ERBB4: variants seen among roughly 807,000 people sequenced by gnomAD.
The protein encoded by ERBB4 is receptor tyrosine-protein kinase erbB-4.
A neutral mutation model predicts 158.0 loss-of-function variants in ERBB4; 42 were observed. That is an observed-to-expected ratio of 0.27 (90% CI 0.21 to 0.34). The LOEUF (loss-of-function observed/expected upper bound fraction) is 0.34, where lower values mean the gene tolerates loss of function less well. Ranked by LOEUF, ERBB4 falls within the 10% of genes least tolerant of loss-of-function variation. ERBB4 has a pLI of 1.00. For synonymous variants in ERBB4, 583 were observed against 558.7 expected (o/e 1.04, Z -0.61); for missense variants, 1,333 against 1,624.1 (o/e 0.82, Z 3.08).
intron 3 of ERBB4, among the ~76,000 whole-genome samples, chr2:211,823,165 A>G (rs1250744447): frequency 6.6e-6 from 1 of 152,054 alleles, no homozygotes; most frequent in African/African-American, 2.4e-5. Context: ...ATTCATAAGA[A>G]TACATAATTG....
At chr2:212,254,101 A>T (rs942629234) in intron 1 of ERBB4, among the ~76,000 whole-genome samples, 5 of 150,636 alleles carry the variant, frequency 3.3e-5, no homozygotes, top group East Asian at 1.9e-4. Flanking sequence ...TGTAAAATTT[A>T]AAAAAAAAAT....
At chr2:211,983,113 A>C (rs532461231) in intron 2 of ERBB4, among the ~76,000 whole-genome samples, 2 of 152,328 alleles carry the variant, frequency 1.3e-5, no homozygotes, top group East Asian at 3.9e-4. Flanking sequence ...ACAAGGAATG[A>C]AATGGTTGGT....
chr2:212,252,366 A>G (rs920745670), intron 1 of ERBB4, among the ~76,000 whole-genome samples: 1 of 152,118 alleles, frequency 6.6e-6, no homozygotes, highest in Admixed American at 6.6e-5. Context: ...CATGAAAGCC[A>G]TGTTAAGAAA....
At position 211,467,281 on chromosome 2, in the gene ERBB4, T is replaced by C. The variant is rs189875870; in HGVS notation, c.2488-36181A>G. Among the ~76,000 whole-genome samples the C allele has an allele frequency of 1.6e-4, 24 of 152,288 alleles. 1 individual carries two copies. Among genetic ancestry groups the C allele is most frequent in the African/African-American group, 3.8e-4 (16 of 41,584 alleles). On this transcript the variant is annotated intron_variant, in intron 20 of 27. Transcript: ENST00000342788. ...GAACTGGTTTCTTGTTCTCACTACA[T>C]TCTGACTCAACCACCCATCAGTTTC...
rs140225201 is a variant in ERBB4 at position 212,448,324 on chromosome 2, A to G, written c.82+90125T>C. ...CACATGAATTGCGTACATCAGAATG[A>G]AATGTCTATATAATTTTGAAAATCA... On this transcript the variant is annotated intron_variant, in intron 1 of 27. Transcript: ENST00000342788. Among the ~76,000 whole-genome samples the G allele has an allele frequency of 7.2e-5, 11 of 152,334 alleles. No individual in the cohort carries two copies. In the East Asian group the frequency reaches 2.1e-3, roughly 29 times the overall value.
intron 20 of ERBB4, among the ~76,000 whole-genome samples, chr2:211,468,893 ATATATG>A (rs1035059966): frequency 2.9e-4 from 43 of 147,602 alleles, no homozygotes; most frequent in Admixed American, 2.8e-4. Context: ...TTTACAAAAT[ATATATG>A]TATATTTTCT....
chr2:212,512,901 C>A (rs1007838747), intron 1 of ERBB4, among the ~76,000 whole-genome samples: 2 of 152,210 alleles, frequency 1.3e-5, no homozygotes, highest in Admixed American at 6.5e-5. Flanking sequence ...TGCCTGACAT[C>A]TTTATGCTTT....
At chr2:212,234,703 G>A (rs1303401508) in intron 1 of ERBB4, among the ~76,000 whole-genome samples, 1 of 152,134 alleles carries the variant, frequency 6.6e-6, no homozygotes, top group Non-Finnish European at 1.5e-5. Flanking sequence ...ATCTCATTGT[G>A]GTTTTGACTT....
At chr2:212,241,591 C>A (rs1027061419) in intron 1 of ERBB4, among the ~76,000 whole-genome samples, 3 of 152,160 alleles carry the variant, frequency 2.0e-5, no homozygotes, top group Non-Finnish European at 4.4e-5. Context: ...GTGCATGATT[C>A]TGTTGCTTTT....
At position 212,101,350 on chromosome 2, in the gene ERBB4, C is replaced by CATATATATATATATATACATAT. The variant is rs56091369; in HGVS notation, c.234+23401_234+23402insATATGTATATATATATATATAT. ...AATACAAACACACACACACCCTATA[C>CATATATATATATATATACATAT]ATATATATATATATATGTATATGTA... On this transcript the variant is annotated intron_variant, in intron 2 of 27. Coordinates refer to ENST00000342788, the MANE Select transcript of ERBB4 (RefSeq NM_005235.3). Among the ~76,000 whole-genome samples, 372 of 143,080 alleles carry CATATATATATATATATACATAT rather than the reference C, an allele frequency of 2.6e-3. 1 individual carries two copies. The highest frequency in any genetic ancestry group is 0.016 in the East Asian group (80 of 5,048). The allele number at this position is 143,080 out of a possible 152,430, so 93.9% of individuals were successfully genotyped here.
chr2:212,367,923 C>G (rs1221720691), intron 1 of ERBB4, among the ~76,000 whole-genome samples: 1 of 151,964 alleles, frequency 6.6e-6, no homozygotes, highest in Non-Finnish European at 1.5e-5. Flanking sequence ...ATCAAAAAAT[C>G]AAAAAACAGT....
At chr2:211,477,281 G>T (rs1364323106) in intron 20 of ERBB4, among the ~76,000 whole-genome samples, 1 of 151,908 alleles carries the variant, frequency 6.6e-6, no homozygotes, top group African/African-American at 2.4e-5. Flanking sequence ...ATAATTACAT[G>T]AGCAAATTCC....
At chr2:212,231,954 G>A (rs767277505) in intron 1 of ERBB4, among the ~76,000 whole-genome samples, 4 of 152,060 alleles carry the variant, frequency 2.6e-5, no homozygotes, top group Non-Finnish European at 4.4e-5. Context: ...TTTACTTATT[G>A]TTTTTATGAC....
rs555001835 is a variant in ERBB4, at chr2:211,603,105, C to T, written c.2301+16072G>A. Among the ~76,000 whole-genome samples the T allele has an allele frequency of 5.1e-4, 77 of 152,258 alleles. 1 individual carries two copies. Among genetic ancestry groups the T allele is most frequent in the African/African-American group, 1.7e-3 (70 of 41,544 alleles). On this transcript the variant is annotated intron_variant, in intron 19 of 27. Coordinates refer to ENST00000342788, the MANE Select transcript of ERBB4 (RefSeq NM_005235.3). ...ATTTAGCTGGGCATAGTGGCACACA[C>T]CTGTAGTCCCAGCTACTCGGGAGGC...
At chr2:212,056,653 C>T (rs953731867) in intron 2 of ERBB4, among the ~76,000 whole-genome samples, 1 of 152,086 alleles carries the variant, frequency 6.6e-6, no homozygotes, top group African/African-American at 2.4e-5. Context: ...AATTTTCAAC[C>T]CAGAATTTCA....
At position 211,920,088 on chromosome 2, in the gene ERBB4, C is replaced by G. The variant is rs185369663; in HGVS notation, c.421+27342G>C. ...ACTGTGGTAAAAAACAAAAATCTGG[C>G]AAAAACTCCCATTGTTTTAAAAATG... On this transcript the variant is annotated intron_variant, in intron 3 of 27. Transcript: ENST00000342788. Among the ~76,000 whole-genome samples the G allele has an allele frequency of 4.6e-3, 697 of 151,932 alleles. 7 individuals are homozygous for G. Among genetic ancestry groups the G allele is most frequent in the African/African-American group, 0.015 (624 of 41,502 alleles).
At chr2:212,037,673 T>C (rs2077046774) in intron 2 of ERBB4, among the ~76,000 whole-genome samples, 1 of 152,226 alleles carries the variant, frequency 6.6e-6, no homozygotes, top group Non-Finnish European at 1.5e-5. Context: ...CTTTGTATTT[T>C]GACATAAACT....
intron 3 of ERBB4, among the ~76,000 whole-genome samples, chr2:211,925,376 C>CTTTTTTTTT (rs71054150): frequency 1.2e-5 from 1 of 81,576 alleles, no homozygotes. Flanking sequence ...AACAAGACTG[C>CTTTTTTTTT]TTTTTTTTTT....
At chr2:211,834,588 C>T (rs2077298862) in intron 3 of ERBB4, among the ~76,000 whole-genome samples, 1 of 151,476 alleles carries the variant, frequency 6.6e-6, no homozygotes, top group African/African-American at 2.4e-5. Flanking sequence ...TACTTTGTTC[C>T]AAATAAACTA....
Sources: allele counts gnomAD v4.1 joint callset (sites outside exome capture counted in the v4.1 genomes callset), GRCh38; gene constraint gnomAD v4.1.1; transcripts MANE v1.5; gene names NCBI Gene and HGNC (gene_info 2026-07-23, HGNC 2026-07-21).